Variants in PLCH1 observed in about 807,000 individuals in gnomAD.
The protein encoded by PLCH1 is 1-phosphatidylinositol 4,5-bisphosphate phosphodiesterase eta-1.
In PLCH1, 60 loss-of-function variants were observed where a neutral mutation model predicts 126.7. The ratio of observed to expected loss-of-function variants is 0.47; its 90% CI spans 0.38 to 0.59. The LOEUF (loss-of-function observed/expected upper bound fraction) is 0.59, where lower values mean the gene tolerates loss of function less well. Ranked by LOEUF, PLCH1 falls within the 20% of genes least tolerant of loss-of-function variation. The pLI, the probability that PLCH1 is intolerant of heterozygous loss-of-function variation, is 0.00. For missense variants in PLCH1, 1,723 were observed against 2,040.0 expected (o/e 0.84, Z 2.99); for synonymous variants, 719 against 734.9 (o/e 0.98, Z 0.35).
At chr3:155,735,383 C>T (rs559229627) in intron 1 of PLCH1, among the ~76,000 whole-genome samples, 1 of 148,346 alleles carries the variant, frequency 6.7e-6, no homozygotes, top group Admixed American at 6.6e-5. Context: ...CCTGTAATCC[C>T]AACACTTTGG....
At chr3:155,475,657 A>C (rs1713514325), downstream of PLCH1, among the ~76,000 whole-genome samples, 2 of 152,158 alleles carry the variant, frequency 1.3e-5, no homozygotes, top group South Asian at 4.1e-4. Context: ...CAGCAATTCG[A>C]AGGACCATTA....
At chr3:155,458,508 AG>A (rs1712574127) in intron 21 of PLCH1, among the ~76,000 whole-genome samples, 1 of 116,796 alleles carries the variant, frequency 8.6e-6, no homozygotes. Flanking sequence ...GAGAAAGAAG[AG>A]AGAGAAATAA....
intron 10 of PLCH1, among the ~76,000 whole-genome samples, chr3:155,544,845 T>C (rs1219025280): frequency 4.0e-5 from 6 of 150,298 alleles, no homozygotes; most frequent in East Asian, 1.9e-4. Flanking sequence ...CCAACGAGAA[T>C]AAAGACACAA....
intron 2 of PLCH1, among the ~76,000 whole-genome samples, chr3:155,658,912 A>T (rs571695967): frequency 6.6e-6 from 1 of 152,348 alleles, no homozygotes; most frequent in African/African-American, 2.4e-5. Context: ...TTCACAAGTA[A>T]TTAAGAAGTT....
chr3:155,530,581 G>C (rs2108329112), intron 10 of PLCH1, among the ~76,000 whole-genome samples: 1 of 28,244 alleles, frequency 3.5e-5, no homozygotes, highest in Admixed American at 1.9e-4. Context: ...TCTCCCACAG[G>C]CTCCACTTCT....
chr3:155,718,422 C>T (rs1292817449), intron 1 of PLCH1, among the ~76,000 whole-genome samples: 1 of 152,188 alleles, frequency 6.6e-6, no homozygotes, highest in African/African-American at 2.4e-5. Context: ...CAATACTGCA[C>T]TCTCAGAACC....
intron 2 of PLCH1, among the ~76,000 whole-genome samples, chr3:155,630,738 A>G (rs1220685000): frequency 1.3e-5 from 2 of 152,228 alleles, no homozygotes; most frequent in African/African-American, 4.8e-5. Context: ...GGCAACTATG[A>G]TTGATTCTGG....
chr3:155,482,069 T>C lies in PLCH1; in HGVS notation c.3957A>G (p.Thr1319=). The change falls in exon 23 of 23, where the codon ACA becomes ACG. Residue 1319 remains threonine (T), a synonymous_variant. Coordinates refer to ENST00000460012, the MANE Select transcript of PLCH1 (RefSeq NM_014996.4). ...KSPTKGEDWE[T]LKSCSPASSP... ...AAGAGGCAGGGCTGCAGCTCTTCAG[T>C]GTTTCCCAGTCTTCTCCCTTGGTAG... 1.2e-6 allele frequency: 2 copies of C among 1,614,170 alleles called. No individual in the cohort carries two copies. Among genetic ancestry groups the C allele is most frequent in the Admixed American group, 3.3e-5 (2 of 60,016 alleles).
At chr3:155,656,596 C>T (rs1458620495) in intron 2 of PLCH1, among the ~76,000 whole-genome samples, 1 of 152,154 alleles carries the variant, frequency 6.6e-6, no homozygotes, top group African/African-American at 2.4e-5. Context: ...TTCCATGCCA[C>T]TCCTAACTTC....
intron 2 of PLCH1, among the ~76,000 whole-genome samples, chr3:155,698,490 G>A (rs1410119022): frequency 2.6e-5 from 4 of 152,192 alleles, no homozygotes; most frequent in Non-Finnish European, 5.9e-5. Flanking sequence ...TCAGACAGGG[G>A]AAGAAGAAAA....
intron 1 of PLCH1, among the ~76,000 whole-genome samples, chr3:155,729,318 G>C (rs73005138): frequency 0.017 from 2,583 of 152,294 alleles, 76 homozygotes; most frequent in African/African-American, 0.059. Context: ...AGCTCCAAGA[G>C]ATCTGCCTTG....
At chr3:155,676,815 C>A (rs948177806) in intron 2 of PLCH1, among the ~76,000 whole-genome samples, 1 of 151,806 alleles carries the variant, frequency 6.6e-6, no homozygotes, top group African/African-American at 2.4e-5. Context: ...AAAACACTTA[C>A]TCGGTGGAGG....
intron 1 of PLCH1, among the ~76,000 whole-genome samples, chr3:155,738,643 T>C (rs1749386031): frequency 6.6e-6 from 1 of 151,440 alleles, no homozygotes; most frequent in South Asian, 2.1e-4. Flanking sequence ...AAAAATTAGT[T>C]GGGCGTGCTG....
chr3:155,453,773 TAATTTCTGATAATAAATTATAA>T, intron 21 of PLCH1, among the ~76,000 whole-genome samples: 1 of 151,414 alleles, frequency 6.6e-6, no homozygotes, highest in African/African-American at 2.4e-5. Flanking sequence ...AATTTATGAT[TAATTTCTGATAATAAATTATAA>T]ATATGTATTT....
At chr3:155,492,964 G>T in intron 17 of PLCH1, 111 bp from the exon 18 acceptor site, 1 of 933,764 alleles carries the variant, frequency 1.1e-6, no homozygotes, top group Non-Finnish European at 1.5e-6. Context: ...TGAATTACAT[G>T]ATCACATAAC....
At chr3:155,686,443 T>C (rs1744944873) in intron 2 of PLCH1, among the ~76,000 whole-genome samples, 3 of 152,336 alleles carry the variant, frequency 2.0e-5, no homozygotes, top group Admixed American at 1.3e-4. Context: ...TTGATTGTTA[T>C]GGCAGTGCTT....
chr3:155,640,747 G>A (rs1228495197), intron 2 of PLCH1, among the ~76,000 whole-genome samples: 5 of 152,118 alleles, frequency 3.3e-5, no homozygotes, highest in Non-Finnish European at 7.3e-5. Flanking sequence ...AAACCTCCAT[G>A]ATTATATAAT....
At chr3:155,727,646 C>T (rs141139912) in intron 1 of PLCH1, among the ~76,000 whole-genome samples, 2,298 of 152,210 alleles carry the variant, frequency 0.015, 25 homozygotes, top group South Asian at 0.037. Flanking sequence ...TCTCGGCCTC[C>T]CAAAGTGCTG....
chr3:155,622,691 T>C (rs1413255035), intron 2 of PLCH1, among the ~76,000 whole-genome samples: 1 of 151,604 alleles, frequency 6.6e-6, no homozygotes. Flanking sequence ...GGTAAAGGGA[T>C]CAATGCAACA....
Sources: gnomAD v4.1 joint callset for allele counts (sites outside exome capture counted in the v4.1 genomes callset) on GRCh38, gnomAD v4.1.1 for gene constraint, MANE v1.5 for transcripts, NCBI Gene and HGNC (gene_info 2026-07-23, HGNC 2026-07-21) for gene names.